CIMAP1D: variants seen among roughly 807,000 people sequenced by gnomAD.
CIMAP1D encodes CIMAP1 family member D.
the CIMAP1D span, among the ~76,000 whole-genome samples, chr19:484,148 T>A: frequency 1.3e-5 from 2 of 148,842 alleles, no homozygotes; most frequent in African/African-American, 4.9e-5. Context: ...TCTTTTTTTT[T>A]TTTTTTTTTT....
At chr19:490,291 G>C in the CIMAP1D span, 1 of 275,340 alleles carries the variant, frequency 3.6e-6, no homozygotes, top group Admixed American at 5.3e-5. Flanking sequence ...GTGAGGTGGA[G>C]GTTGCAGTGA....
At chr19:470,609 C>G in the CIMAP1D span, among the ~76,000 whole-genome samples, 1 of 152,188 alleles carries the variant, frequency 6.6e-6, no homozygotes, top group African/African-American at 2.4e-5. Context: ...CCAGTGTGGG[C>G]TGGGATTTTT....
chr19:481,524 G>GGGGAAGGATGATGGGGAAGGATGATA, the CIMAP1D span, among the ~76,000 whole-genome samples: 2 of 143,384 alleles, frequency 1.4e-5, no homozygotes, highest in East Asian at 2.2e-4. Context: ...GAAGGATGAT[G>GGGGAAGGATGATGGGGAAGGATGATA]GGGAAGGATG....
chr19:479,409 TTTGG>T, the CIMAP1D span, among the ~76,000 whole-genome samples: 2 of 50,972 alleles, frequency 3.9e-5, no homozygotes, highest in Middle Eastern at 4.8e-3. Context: ...TTTTTTTTTT[TTTGG>T]GGGGGGGGGG....
the CIMAP1D span, among the ~76,000 whole-genome samples, chr19:486,774 C>T: frequency 2.6e-5 from 4 of 151,704 alleles, no homozygotes; most frequent in Non-Finnish European, 4.4e-5. Context: ...ATTAGCCAGG[C>T]GTGGTGGCAG....
At chr19:474,591 TC>T in the CIMAP1D span, 1 of 1,482,782 alleles carries the variant, frequency 6.7e-7, no homozygotes. Flanking sequence ...CAGGAAAAGG[TC>T]CCACCCATCC....
the CIMAP1D span, among the ~76,000 whole-genome samples, chr19:465,623 G>A: frequency 2.7e-5 from 4 of 147,132 alleles, no homozygotes; most frequent in Admixed American, 2.7e-4. Flanking sequence ...GTGTGTGGAT[G>A]GGTGTGTGGA....
At chr19:480,527 G>GGAGAAGAAAAGT in the CIMAP1D span, among the ~76,000 whole-genome samples, 734 of 100,938 alleles carry the variant, frequency 7.3e-3, 106 homozygotes, top group African/African-American at 0.049. Context: ...GAAGGATGAT[G>GGAGAAGAAAAGT]GGGAAGGATG....
the CIMAP1D span, chr19:463,972 C>T: frequency 6.2e-7 from 1 of 1,611,252 alleles, no homozygotes; most frequent in Non-Finnish European, 8.5e-7. Context: ...TTCACGGTGA[C>T]CTGCTCTGGG....
At chr19:484,925 T>A in the CIMAP1D span, among the ~76,000 whole-genome samples, 1 of 151,106 alleles carries the variant, frequency 6.6e-6, no homozygotes, top group Non-Finnish European at 1.5e-5. Flanking sequence ...GGTAGGAAGG[T>A]GGGGGTAGGG....
the CIMAP1D span, among the ~76,000 whole-genome samples, chr19:466,020 GGATA>G: frequency 6.7e-6 from 1 of 148,352 alleles, no homozygotes; most frequent in Non-Finnish European, 1.5e-5. Flanking sequence ...AAGGACGGGT[GGATA>G]GATGGATGGG....
the CIMAP1D span, among the ~76,000 whole-genome samples, chr19:465,576 TGGGC>T: frequency 8.5e-6 from 1 of 118,304 alleles, no homozygotes; most frequent in African/African-American, 3.4e-5. Flanking sequence ...GATAGGTAGA[TGGGC>T]AGGCAGGTGG....
At chr19:468,283 T>C in the CIMAP1D span, among the ~76,000 whole-genome samples, 1 of 152,074 alleles carries the variant, frequency 6.6e-6, no homozygotes, top group Non-Finnish European at 1.5e-5. Context: ...GGAGGATCAC[T>C]TGAGCCTGGG....
At chr19:470,298 C>G in the CIMAP1D span, among the ~76,000 whole-genome samples, 1 of 152,000 alleles carries the variant, frequency 6.6e-6, no homozygotes, top group African/African-American at 2.4e-5. Context: ...GCTCCGCCTC[C>G]CGGGTTCATG....
At chr19:473,927 T>C in the CIMAP1D span, among the ~76,000 whole-genome samples, 3 of 135,268 alleles carry the variant, frequency 2.2e-5, no homozygotes, top group African/African-American at 5.6e-5. Flanking sequence ...CAGGCAGAGA[T>C]ACACGGTCAC....
At chr19:463,878 G>A in the CIMAP1D span, 2 of 1,610,672 alleles carry the variant, frequency 1.2e-6, no homozygotes, top group African/African-American at 1.3e-5. Context: ...GTGCCCCGCA[G>A]GCCGGGAGGG....
At chr19:475,804 C>T in the CIMAP1D span, among the ~76,000 whole-genome samples, 1 of 149,306 alleles carries the variant, frequency 6.7e-6, no homozygotes, top group East Asian at 2.0e-4. Context: ...GACAGAGTCT[C>T]ACTCTGTCAC....
the CIMAP1D span, among the ~76,000 whole-genome samples, chr19:488,311 A>T: frequency 6.6e-6 from 1 of 151,576 alleles, no homozygotes; most frequent in Non-Finnish European, 1.5e-5. Flanking sequence ...TCACGAGGTC[A>T]GGAGATCGAG....
the CIMAP1D span, among the ~76,000 whole-genome samples, chr19:466,844 G>T: frequency 1.3e-5 from 1 of 76,430 alleles, no homozygotes; most frequent in Admixed American, 1.4e-4. Context: ...GGATGGGTGG[G>T]TGGGTGGGTG....
Sources: gnomAD v4.1 joint callset for allele counts (sites outside exome capture counted in the v4.1 genomes callset) on GRCh38, gnomAD v4.1.1 for gene constraint, MANE v1.5 for transcripts, NCBI Gene and HGNC (gene_info 2026-07-23, HGNC 2026-07-21) for gene names.